The following ZFPM2 variants were observed in gnomAD, a reference collection of about 807,000 sequenced individuals.
The protein encoded by ZFPM2 is zinc finger protein ZFPM2.
A neutral mutation model predicts 98.6 loss-of-function variants in ZFPM2; 20 were observed. The observed-to-expected ratio is 0.20, with a 90% CI of 0.14 to 0.29. ZFPM2 has a LOEUF of 0.29. Among genes scored for constraint, ZFPM2 ranks in the 10% least tolerant of loss-of-function variants. The probability of loss-of-function intolerance (pLI) is 1.00; values close to 1 mark genes in which losing one functional copy is unlikely to be tolerated. For missense variants in ZFPM2, 1,310 were observed against 1,388.6 expected (o/e 0.94, Z 0.90); for synonymous variants, 518 against 502.7 (o/e 1.03, Z -0.41).
chr8:105,595,826 G>A (rs866699519), intron 4 of ZFPM2, among the ~76,000 whole-genome samples: 5 of 151,710 alleles, frequency 3.3e-5, no homozygotes, highest in African/African-American at 1.2e-4. Flanking sequence ...ATATGAATAG[G>A]CACATAACTT....
At chr8:105,551,428 G>T (rs555741454) in intron 3 of ZFPM2, among the ~76,000 whole-genome samples, 2 of 151,984 alleles carry the variant, frequency 1.3e-5, no homozygotes, top group East Asian at 3.9e-4. Context: ...CTCTATTTTT[G>T]AACAAACTCT....
At chr8:105,429,335 A>G (rs751943702) in intron 2 of ZFPM2, among the ~76,000 whole-genome samples, 3 of 151,996 alleles carry the variant, frequency 2.0e-5, no homozygotes, top group Non-Finnish European at 4.4e-5. Flanking sequence ...ATGCATGTAT[A>G]GAGGCAGAAA....
At chr8:105,450,852 G>A (rs766029607) in intron 3 of ZFPM2, among the ~76,000 whole-genome samples, 5 of 152,078 alleles carry the variant, frequency 3.3e-5, no homozygotes, top group East Asian at 1.9e-4. Flanking sequence ...AGTGGATATC[G>A]GATTAAAAGA....
chr8:105,534,938 G>T (rs1473869286), intron 3 of ZFPM2, among the ~76,000 whole-genome samples: 1 of 152,098 alleles, frequency 6.6e-6, no homozygotes, highest in African/African-American at 2.4e-5. Flanking sequence ...TCTGTCTATA[G>T]TAACAGCAAG....
At chr8:105,429,442 G>A (rs1811976294) in intron 2 of ZFPM2, among the ~76,000 whole-genome samples, 1 of 135,196 alleles carries the variant, frequency 7.4e-6, no homozygotes, top group African/African-American at 3.7e-5. Flanking sequence ...AGTTAGACAA[G>A]GAAATATATA....
chr8:105,740,528 C>CATAT (rs371953469), intron 5 of ZFPM2, among the ~76,000 whole-genome samples: 38 of 143,976 alleles, frequency 2.6e-4, no homozygotes, highest in South Asian at 4.3e-4. Flanking sequence ...TGTGTGTATG[C>CATAT]ATATATATAT....
chr8:105,441,465 A>AGGAAGGAAGGAAGGAAGGAAGGAAGGAAG, intron 2 of ZFPM2, among the ~76,000 whole-genome samples: 1 of 81,904 alleles, frequency 1.2e-5, no homozygotes, highest in Admixed American at 1.5e-4. Context: ...AAAGAAAGAA[A>AGGAAGGAAGGAAGGAAGGAAGGAAGGAAG]GAAAGAAAGA....
At chr8:105,534,929 C>A (rs1814417380) in intron 3 of ZFPM2, among the ~76,000 whole-genome samples, 1 of 152,102 alleles carries the variant, frequency 6.6e-6, no homozygotes, top group African/African-American at 2.4e-5. Flanking sequence ...AAAGAAAAAT[C>A]TGTCTATAGT....
At chr8:105,797,864 T>G (rs1304692707) in intron 6 of ZFPM2, among the ~76,000 whole-genome samples, 1 of 152,206 alleles carries the variant, frequency 6.6e-6, no homozygotes, top group African/African-American at 2.4e-5. Context: ...GATACCTCCA[T>G]CAGAACAGTA....
chr8:105,515,911 C>CTTTTTTT (rs34183654), intron 3 of ZFPM2, among the ~76,000 whole-genome samples: 31 of 89,278 alleles, frequency 3.5e-4, no homozygotes, highest in Admixed American at 8.7e-4. Context: ...AAAACAACTT[C>CTTTTTTT]TTTTTTTTTT....
At chr8:105,423,252 G>C (rs1003872360) in intron 2 of ZFPM2, among the ~76,000 whole-genome samples, 2 of 152,124 alleles carry the variant, frequency 1.3e-5, no homozygotes, top group African/African-American at 4.8e-5. Flanking sequence ...AGATACCCTT[G>C]TTATAGTTGC....
At chr8:105,765,833 T>C (rs1408464076) in intron 5 of ZFPM2, among the ~76,000 whole-genome samples, 2 of 151,982 alleles carry the variant, frequency 1.3e-5, no homozygotes, top group African/African-American at 4.8e-5. Context: ...GAAAATGGTA[T>C]GCCAAGTGGC....
At chr8:105,523,883 G>T (rs1333492740) in intron 3 of ZFPM2, among the ~76,000 whole-genome samples, 1 of 152,112 alleles carries the variant, frequency 6.6e-6, no homozygotes, top group Non-Finnish European at 1.5e-5. Context: ...AAAAGCAACT[G>T]GGAGAACATA....
chr8:105,373,646 A>T (rs1157647765), intron 1 of ZFPM2, among the ~76,000 whole-genome samples: 1 of 152,222 alleles, frequency 6.6e-6, no homozygotes, highest in African/African-American at 2.4e-5. Flanking sequence ...AATTGCAGAG[A>T]AATTAATGCC....
At chr8:105,710,793 A>G (rs1811374145) in intron 5 of ZFPM2, among the ~76,000 whole-genome samples, 1 of 151,604 alleles carries the variant, frequency 6.6e-6, no homozygotes, top group African/African-American at 2.4e-5. Context: ...TAGAGGGATG[A>G]CTTTCAGAAT....
chr8:105,450,232 G>A (rs7828437), intron 3 of ZFPM2, among the ~76,000 whole-genome samples: 2,445 of 152,180 alleles, frequency 0.016, 56 homozygotes, highest in African/African-American at 0.056. Flanking sequence ...ACTTTTGCAT[G>A]AAGTGAAACT....
intron 5 of ZFPM2, among the ~76,000 whole-genome samples, chr8:105,704,432 A>G (rs1811210958): frequency 6.6e-6 from 1 of 152,146 alleles, no homozygotes; most frequent in Admixed American, 6.6e-5. Flanking sequence ...TTTGAAGTAC[A>G]TGGTTCTCTC....
At chr8:105,343,456 G>A (rs1196741288) in intron 1 of ZFPM2, among the ~76,000 whole-genome samples, 1 of 152,118 alleles carries the variant, frequency 6.6e-6, no homozygotes, top group Non-Finnish European at 1.5e-5. Flanking sequence ...AAAATTCTGG[G>A]TTTTTTAATG....
chr8:105,534,128 T>C, intron 3 of ZFPM2, among the ~76,000 whole-genome samples: 1 of 61,994 alleles, frequency 1.6e-5, no homozygotes, highest in Non-Finnish European at 3.0e-5. Context: ...CCTTCCTTCC[T>C]CCCTTCCTTC....
Sources: allele counts gnomAD v4.1 joint callset (sites outside exome capture counted in the v4.1 genomes callset), GRCh38; gene constraint gnomAD v4.1.1; transcripts MANE v1.5; gene names NCBI Gene and HGNC (gene_info 2026-07-23, HGNC 2026-07-21).